Variants in CNTN5 observed in about 807,000 individuals in gnomAD.
CNTN5 encodes contactin 5.
CNTN5 carries 77 observed loss-of-function variants against 129.1 expected under a neutral mutation model. The observed-to-expected ratio is 0.60, with a 90% CI of 0.50 to 0.72. The LOEUF (loss-of-function observed/expected upper bound fraction) is 0.72, where lower values mean the gene tolerates loss of function less well. Ranked by LOEUF, CNTN5 falls within the 30% of genes least tolerant of loss-of-function variation. The pLI, the probability that CNTN5 is intolerant of heterozygous loss-of-function variation, is 0.00. For synonymous variants in CNTN5, 509 were observed against 465.6 expected, an observed-to-expected ratio of 1.09 and a Z score of -1.20; for missense variants, 1,478 against 1,328.8, an observed-to-expected ratio of 1.11 and a Z score of -1.75.
chr11:99,309,536 T>C (rs1865017614), intron 1 of CNTN5, among the ~76,000 whole-genome samples: 1 of 152,228 alleles, frequency 6.6e-6, no homozygotes, highest in Non-Finnish European at 1.5e-5. Context: ...TCTTTCTCTG[T>C]GCTTTTGCAG....
chr11:99,523,678 A>T (rs879931898), intron 2 of CNTN5, among the ~76,000 whole-genome samples: 834 of 76,114 alleles, frequency 0.011, 2 homozygotes, highest in South Asian at 0.014. Flanking sequence ...ACAGAACAGA[A>T]CAGAACAGAA....
intron 21 of CNTN5, among the ~76,000 whole-genome samples, chr11:100,334,982 TA>T (rs5794050): frequency 0.71 from 96,710 of 135,726 alleles, 34,173 homozygotes; most frequent in African/African-American, 0.87. Context: ...ACTTGATAAG[TA>T]AAAAAAAAAA....
At chr11:99,569,143 T>TC (rs1329594598) in intron 3 of CNTN5, among the ~76,000 whole-genome samples, 7 of 152,128 alleles carry the variant, frequency 4.6e-5, no homozygotes, top group Non-Finnish European at 8.8e-5. Flanking sequence ...TTTGAATATT[T>TC]TGCAATTATG....
intron 1 of CNTN5, among the ~76,000 whole-genome samples, chr11:99,222,246 A>G (rs1343505737): frequency 6.6e-6 from 1 of 151,970 alleles, no homozygotes; most frequent in Non-Finnish European, 1.5e-5. Flanking sequence ...ATCGATACAA[A>G]CATGAAAATT....
chr11:100,184,510 T>A (rs1376451276), intron 13 of CNTN5, among the ~76,000 whole-genome samples: 1 of 152,140 alleles, frequency 6.6e-6, no homozygotes, highest in Non-Finnish European at 1.5e-5. Flanking sequence ...GAAAGCAGTA[T>A]CCAGCTGACA....
chr11:99,128,553 TC>T (rs1179278197), intron 1 of CNTN5, among the ~76,000 whole-genome samples: 2 of 152,072 alleles, frequency 1.3e-5, no homozygotes, highest in Non-Finnish European at 2.9e-5. Flanking sequence ...GCTTAATCTT[TC>T]CCGTCTGCTG....
chr11:100,115,810 T>A (rs115130661), intron 13 of CNTN5, among the ~76,000 whole-genome samples: 2,583 of 152,204 alleles, frequency 0.017, 62 homozygotes, highest in African/African-American at 0.057. Context: ...GATATTGTTT[T>A]TAAAATGTTA....
chr11:100,285,214 T>C (rs920011004), intron 18 of CNTN5, among the ~76,000 whole-genome samples: 46 of 152,334 alleles, frequency 3.0e-4, no homozygotes, highest in East Asian at 1.2e-3. Flanking sequence ...AAAAAGTATA[T>C]TTTTTCATAT....
At chr11:99,456,669 CA>C (rs1339781051) in intron 2 of CNTN5, among the ~76,000 whole-genome samples, 1 of 152,030 alleles carries the variant, frequency 6.6e-6, no homozygotes, top group African/African-American at 2.4e-5. Flanking sequence ...GTTCTTTTAA[CA>C]TTTGAGATTG....
At chr11:99,874,293 AAACTT>A (rs1948579314) in intron 6 of CNTN5, among the ~76,000 whole-genome samples, 2 of 152,282 alleles carry the variant, frequency 1.3e-5, no homozygotes, top group Admixed American at 1.3e-4. Context: ...CATCTGTTGA[AAACTT>A]AAGTTATTTG....
At chr11:99,468,080 T>C (rs1034329370) in intron 2 of CNTN5, among the ~76,000 whole-genome samples, 2 of 152,192 alleles carry the variant, frequency 1.3e-5, no homozygotes, top group Admixed American at 1.3e-4. Flanking sequence ...GCATTTATTA[T>C]TAGGTGAGCT....
At chr11:99,028,023 C>T (rs1398400624) in intron 1 of CNTN5, among the ~76,000 whole-genome samples, 1 of 151,614 alleles carries the variant, frequency 6.6e-6, no homozygotes, top group African/African-American at 2.4e-5. Context: ...AATGAATAGT[C>T]ATTTTAGTTC....
Position 100,306,009 on chromosome 11 carries a change from G to T in CNTN5, c.2621-2350G>T, listed in dbSNP as rs183309671. On this transcript the variant is annotated intron_variant, in intron 20 of 24. Coordinates refer to ENST00000524871, the MANE Select transcript of CNTN5 (RefSeq NM_014361.4). ...ACGCTTTAAGAAGTTCACAAATTTT[G>T]GGGGGGGCACATTCAAAGCTGTCCT... Among the ~76,000 whole-genome samples, 29 of 150,162 alleles carry T rather than the reference G, an allele frequency of 1.9e-4. 1 individual carries two copies. The East Asian group carries it at 2.6e-3, about 13-fold the overall frequency.
intron 6 of CNTN5, among the ~76,000 whole-genome samples, chr11:99,859,157 A>G (rs942683238): frequency 1.3e-5 from 2 of 152,196 alleles, no homozygotes; most frequent in Non-Finnish European, 2.9e-5. Context: ...ATTGATCTCT[A>G]AATCATCTGA....
chr11:99,382,182 A>C (rs1437751385), intron 2 of CNTN5, among the ~76,000 whole-genome samples: 2 of 152,186 alleles, frequency 1.3e-5, no homozygotes, highest in African/African-American at 4.8e-5. Context: ...AGGAAAGATA[A>C]TAGCATCCTT....
intron 3 of CNTN5, among the ~76,000 whole-genome samples, chr11:99,568,565 T>C (rs557605862): frequency 1.1e-4 from 16 of 152,182 alleles, no homozygotes; most frequent in Non-Finnish European, 2.4e-4. Context: ...TCAGGTCTCT[T>C]TGGAATATAA....
intron 3 of CNTN5, among the ~76,000 whole-genome samples, chr11:99,671,542 CAG>C (rs1303083675): frequency 6.6e-6 from 1 of 151,864 alleles, no homozygotes; most frequent in Non-Finnish European, 1.5e-5. Flanking sequence ...TACATGAAGA[CAG>C]GAGTTAATAA....
intron 1 of CNTN5, among the ~76,000 whole-genome samples, chr11:99,204,939 T>C (rs56029985): frequency 0.017 from 2,599 of 152,278 alleles, 37 homozygotes; most frequent in African/African-American, 0.037. Context: ...CCAGAAAATA[T>C]TGATCCGAGT....
intron 1 of CNTN5, among the ~76,000 whole-genome samples, chr11:99,184,877 TCATTGATAAAAG>T (rs1858260245): frequency 6.6e-6 from 1 of 151,982 alleles, no homozygotes; most frequent in African/African-American, 2.4e-5. Context: ...TTTAGAAAAC[TCATTGATAAAAG>T]ACTAGTCATT....
Sources: allele counts gnomAD v4.1 joint callset (sites outside exome capture counted in the v4.1 genomes callset), GRCh38; gene constraint gnomAD v4.1.1; transcripts MANE v1.5; gene names NCBI Gene and HGNC (gene_info 2026-07-23, HGNC 2026-07-21).